FRMD4B: variants seen among roughly 807,000 people sequenced by gnomAD.
The protein encoded by FRMD4B is FERM domain-containing protein 4B.
A neutral mutation model predicts 141.5 loss-of-function variants in FRMD4B; 74 were observed. That is an observed-to-expected ratio of 0.52 (90% CI 0.43 to 0.63). The LOEUF (loss-of-function observed/expected upper bound fraction) is 0.63, where lower values mean the gene tolerates loss of function less well. Among genes scored for constraint, FRMD4B ranks in the 30% least tolerant of loss-of-function variants. The pLI is 0.00. For synonymous variants in FRMD4B, 506 were observed against 467.9 expected (o/e 1.08, Z -1.05); for missense variants, 1,366 against 1,253.4 (o/e 1.09, Z -1.36).
chr3:69,513,604 C>T (rs923991397), intron 1 of FRMD4B, among the ~76,000 whole-genome samples: 33 of 152,094 alleles, frequency 2.2e-4, no homozygotes, highest in African/African-American at 7.7e-4. Flanking sequence ...AAGAAAACTA[C>T]TGACCAATAT....
chr3:69,433,251 C>G (rs555285190), intron 1 of FRMD4B: 1 of 152,176 alleles, frequency 6.6e-6, no homozygotes, highest in Non-Finnish European at 1.5e-5. Flanking sequence ...CTGATGAAAT[C>G]TAGCGTGCAT....
intron 1 of FRMD4B, among the ~76,000 whole-genome samples, chr3:69,467,105 C>A (rs9859296): frequency 1.3e-5 from 2 of 152,140 alleles, no homozygotes; most frequent in African/African-American, 2.4e-5. Flanking sequence ...CTCTCTCCCC[C>A]AGAGGTCCCA....
At chr3:69,514,490 G>A (rs1161279426) in intron 1 of FRMD4B, among the ~76,000 whole-genome samples, 5 of 152,022 alleles carry the variant, frequency 3.3e-5, no homozygotes, top group Non-Finnish European at 7.4e-5. Context: ...AAGATTTCAA[G>A]ACCAGCCTGG....
intron 1 of FRMD4B, among the ~76,000 whole-genome samples, chr3:69,360,200 C>T (rs1703433306): frequency 6.6e-6 from 1 of 152,100 alleles, no homozygotes; most frequent in African/African-American, 2.4e-5. Flanking sequence ...GTGTCATAAC[C>T]ACCTCCCATT....
rs772795387 is a variant in FRMD4B, at chr3:69,195,240, C to G, written c.1359G>C (p.Leu453=). Residue 453 remains leucine (L), a synonymous_variant, in exon 15 of 23, where the codon CTG becomes CTC. Transcript: ENST00000398540. The stretch of plus-strand genomic sequence containing the variant: ...CAAAAAGCAGACTCACAGCCTCCCG[C>G]AGACAGATCTTCTTAAGCTCCTCAA... ...KKVEELKKIC[L]REAELTGKMP... 1.9e-6 allele frequency: 3 copies of G among 1,613,082 alleles called. No homozygotes were observed. The African/African-American group carries it at 4.0e-5, about 22-fold the overall frequency.
intron 18 of FRMD4B, among the ~76,000 whole-genome samples, chr3:69,189,596 A>ACT (rs2092814211): frequency 2.0e-5 from 3 of 152,168 alleles, no homozygotes; most frequent in Admixed American, 2.0e-4. Context: ...CTTCAAAATA[A>ACT]AAAGTTAAGA....
At chr3:69,460,544 T>G (rs1705693721) in intron 1 of FRMD4B, among the ~76,000 whole-genome samples, 1 of 152,182 alleles carries the variant, frequency 6.6e-6, no homozygotes, top group African/African-American at 2.4e-5. Context: ...CAGAATCTTC[T>G]GGAAAGCGTT....
intron 2 of FRMD4B, among the ~76,000 whole-genome samples, chr3:69,392,446 G>C (rs984366462): frequency 1.3e-5 from 2 of 152,146 alleles, no homozygotes; most frequent in Non-Finnish European, 2.9e-5. Context: ...TGAGGACAAT[G>C]CTTGTGGCAA....
At chr3:69,489,549 C>A (rs370520492) in intron 1 of FRMD4B, among the ~76,000 whole-genome samples, 1 of 151,998 alleles carries the variant, frequency 6.6e-6, no homozygotes, top group Admixed American at 6.6e-5. Flanking sequence ...CTACTTTATA[C>A]CCACTAGAAT....
intron 2 of FRMD4B, among the ~76,000 whole-genome samples, chr3:69,431,586 T>A (rs1333466539): frequency 3.3e-5 from 5 of 152,370 alleles, no homozygotes; most frequent in Admixed American, 3.3e-4. Flanking sequence ...TTGCCTATAT[T>A]GACTCATTTC....
chr3:69,201,320 GTTTTC>G (rs1332782183), intron 11 of FRMD4B, among the ~76,000 whole-genome samples: 5 of 152,160 alleles, frequency 3.3e-5, no homozygotes, highest in South Asian at 2.1e-4. Flanking sequence ...CATTAGTAAT[GTTTTC>G]TTTTATTAAT....
At chr3:69,346,403 C>G (rs953839943) in intron 1 of FRMD4B, among the ~76,000 whole-genome samples, 1 of 152,178 alleles carries the variant, frequency 6.6e-6, no homozygotes, top group Non-Finnish European at 1.5e-5. Context: ...TTGGAAAACA[C>G]TCTGCAAGAT....
intron 1 of FRMD4B, among the ~76,000 whole-genome samples, chr3:69,515,669 A>G (rs1056345093): frequency 1.3e-5 from 2 of 152,226 alleles, no homozygotes; most frequent in Admixed American, 1.3e-4. Context: ...TATTAAAAAC[A>G]TAATGACGAA....
intron 1 of FRMD4B, among the ~76,000 whole-genome samples, chr3:69,455,965 T>C (rs1006610450): frequency 6.6e-6 from 1 of 152,180 alleles, no homozygotes; most frequent in Non-Finnish European, 1.5e-5. Context: ...TCAGAACCAC[T>C]TGCCATCAGT....
intron 5 of FRMD4B, among the ~76,000 whole-genome samples, chr3:69,287,039 G>C (rs993245366): frequency 6.6e-6 from 1 of 152,116 alleles, no homozygotes; most frequent in Non-Finnish European, 1.5e-5. Context: ...TACTGACCTC[G>C]TGATCCACCT....
chr3:69,440,574 G>T (rs1705327735), intron 1 of FRMD4B, among the ~76,000 whole-genome samples: 1 of 152,220 alleles, frequency 6.6e-6, no homozygotes, highest in South Asian at 2.1e-4. Flanking sequence ...GGAAGCCAAG[G>T]CAGGTGGATC....
In FRMD4B at chr3:69,279,385, T is replaced by G. The variant is rs574306646; in HGVS notation, c.501+8367A>C. On this transcript the variant is annotated intron_variant, in intron 5 of 22. Transcript: ENST00000398540. ...CCTTATTTGTTGAAGTAGTAATAAA[T>G]AACTGTGTAAGTTGCTGTGGGTGTT... 4.6e-5 allele frequency among the ~76,000 whole-genome samples: 7 copies of G among 152,346 alleles called. No homozygotes were observed. In the East Asian group the frequency reaches 1.4e-3, roughly 29 times the overall value.
intron 2 of FRMD4B, among the ~76,000 whole-genome samples, chr3:69,391,616 A>G (rs1002233060): frequency 6.6e-6 from 1 of 152,050 alleles, no homozygotes; most frequent in Non-Finnish European, 1.5e-5. Flanking sequence ...TTCCCCCCAC[A>G]CTAAACCCAG....
At chr3:69,478,517 G>C (rs1197822223) in intron 1 of FRMD4B, among the ~76,000 whole-genome samples, 3 of 152,194 alleles carry the variant, frequency 2.0e-5, no homozygotes, top group African/African-American at 7.2e-5. Flanking sequence ...GAGCGGTTTT[G>C]AGTGAGTTTC....
Sources: gnomAD v4.1 joint callset for allele counts (sites outside exome capture counted in the v4.1 genomes callset) on GRCh38, gnomAD v4.1.1 for gene constraint, MANE v1.5 for transcripts, NCBI Gene and HGNC (gene_info 2026-07-23, HGNC 2026-07-21) for gene names.